Variants in TBX1 observed in about 807,000 individuals in gnomAD.
The protein encoded by TBX1 is T-box transcription factor TBX1.
TBX1 carries 16 observed loss-of-function variants against 40.8 expected under a neutral mutation model. That is an observed-to-expected ratio of 0.39 (90% CI 0.27 to 0.60). The LOEUF (loss-of-function observed/expected upper bound fraction) is 0.60. Ranked by LOEUF, TBX1 falls within the 20% of genes least tolerant of loss-of-function variation. TBX1 has a pLI of 0.51. For missense variants in TBX1, 755 were observed against 728.5 expected (o/e 1.04, Z -0.42); for synonymous variants, 403 against 336.8 (o/e 1.20, Z -2.15).
upstream of TBX1, chr22:19,759,389 C>T: frequency 1.4e-6 from 1 of 737,232 alleles, no homozygotes; most frequent in Non-Finnish European, 1.7e-6. Flanking sequence ...CAGTGAGTGG[C>T]ACCACAGGCC....
At chr22:19,758,791 G>A (rs545931815), upstream of TBX1, among the ~76,000 whole-genome samples, 13 of 152,316 alleles carry the variant, frequency 8.5e-5, no homozygotes, top group South Asian at 6.2e-4. Flanking sequence ...CGTGACGCTC[G>A]GGCTCGCGGG....
At chr22:19,780,727 CCCA>C (rs1375008979), downstream of TBX1, among the ~76,000 whole-genome samples, 8 of 152,024 alleles carry the variant, frequency 5.3e-5, no homozygotes, top group Non-Finnish European at 1.2e-4. Flanking sequence ...TTTTTACATT[CCCA>C]CCAATAGCGC....
At chr22:19,767,730 T>G (rs1936911983), downstream of TBX1, among the ~76,000 whole-genome samples, 1 of 152,224 alleles carries the variant, frequency 6.6e-6, no homozygotes, top group Non-Finnish European at 1.5e-5. Context: ...GGACAGATGC[T>G]TGTGCTTTTC....
At chr22:19,763,373 G>A (rs762083741) in intron 2 of TBX1, 31 bp downstream of exon 2, 48 of 1,606,040 alleles carry the variant, frequency 3.0e-5, no homozygotes, top group East Asian at 2.0e-4. Flanking sequence ...GTGAGGGACC[G>A]GGAGGGCACC....
chr22:19,769,902 A>T (rs1936959984), downstream of TBX1, among the ~76,000 whole-genome samples: 1 of 152,238 alleles, frequency 6.6e-6, no homozygotes, highest in South Asian at 2.1e-4. Context: ...CATTTGTCCT[A>T]GCTGCACTAC....
rs752484290 is a variant in TBX1, at chr22:19,765,088, C to T, written c.842C>T (p.Ala281Val). The T allele has an allele frequency of 1.2e-6, 2 of 1,614,214 alleles. No homozygotes were observed. Among genetic ancestry groups the T allele is most frequent in the East Asian group, 2.2e-5 (1 of 44,892 alleles). ...TFVFEETRFT[A>V]VTAYQNHRIT... is the part of the protein sequence containing the mutation. ...GTGTTCGAGGAGACACGATTCACCG[C>T]GGTCACTGCCTACCAGAACCATCGG... Residue 281 changes from alanine (A) to valine (V), a missense_variant, in exon 4 of 7, where the codon GCG becomes GTG. Around this residue, in one of 3 missense-constraint regions of TBX1, gnomAD observed 144 missense variants for 238.0 expected, o/e 0.61. Coordinates refer to ENST00000649276, the MANE Select transcript of TBX1 (RefSeq NM_001379200.1).
chr22:19,783,186 C>G (rs1437001109), downstream of TBX1: 1 of 658,376 alleles, frequency 1.5e-6, no homozygotes, highest in South Asian at 1.6e-5. Flanking sequence ...ATTCCCGACC[C>G]ACGGAGCCCA....
chr22:19,769,349 C>A (rs1292686428), downstream of TBX1, among the ~76,000 whole-genome samples: 1 of 152,224 alleles, frequency 6.6e-6, no homozygotes, highest in Non-Finnish European at 1.5e-5. Context: ...CCGCGGGTCA[C>A]CACACTGCTG....
chr22:19,761,720 C>T (rs760891293), intron 1 of TBX1, among the ~76,000 whole-genome samples: 1 of 152,252 alleles, frequency 6.6e-6, no homozygotes, highest in Non-Finnish European at 1.5e-5. Flanking sequence ...GGAGTTCAGT[C>T]TATGCGGGCA....
chr22:19,771,053 G>A (rs1239263486), downstream of TBX1, among the ~76,000 whole-genome samples: 5 of 152,178 alleles, frequency 3.3e-5, no homozygotes, highest in Admixed American at 1.3e-4. Context: ...GCACGGGGAC[G>A]TTCATTCCTG....
chr22:19,765,874 G>GCCGCCCTGAT, intron 5 of TBX1, 28 bp from the exon 6 acceptor site: 1 of 1,559,578 alleles, frequency 6.4e-7, no homozygotes, highest in South Asian at 1.2e-5. Context: ...TGGCGCAGGC[G>GCCGCCCTGAT]CCGCCCTGAT....
In TBX1 at chr22:19,766,011, G is replaced by A. The variant is rs1243126124; in HGVS notation, c.1036+9G>A. ...CAGCGGCACGGAGAAAGGTAGGGCC[G>A]GGGTCGTGGGATCCGGGTTCCGGCC... On this transcript the variant is annotated intron_variant, in intron 6 of 6. Transcript: ENST00000649276. 12 of 1,495,254 alleles carry A rather than the reference G, an allele frequency of 8.0e-6. No individual in the cohort carries two copies. The highest frequency in any genetic ancestry group is 1.1e-5 in the Non-Finnish European group (12 of 1,129,234). 92.6% of individuals were successfully genotyped at this position (1,495,254 alleles called of 1,614,324 possible).
intron 6 of TBX1, 47 bp downstream of exon 6, chr22:19,766,049 T>C (rs1384486563): frequency 4.3e-6 from 6 of 1,399,460 alleles, no homozygotes; most frequent in East Asian, 6.3e-5. Context: ...GTGCGCGCTC[T>C]ACCCCGGGCC....
At chr22:19,776,823 G>A (rs1937072257) in intron 8 of TBX1, among the ~76,000 whole-genome samples, 2 of 152,214 alleles carry the variant, frequency 1.3e-5, no homozygotes, top group African/African-American at 4.8e-5. Flanking sequence ...ACCTGGATGA[G>A]TCTTGACTTT....
chr22:19,783,147 G>C, downstream of TBX1: 1 of 711,264 alleles, frequency 1.4e-6, no homozygotes, highest in Non-Finnish European at 2.6e-6. Context: ...CCGTGGAGTA[G>C]ACAAACTGCT....
chr22:19,770,101 C>T (rs1202958242), downstream of TBX1, among the ~76,000 whole-genome samples: 1 of 152,204 alleles, frequency 6.6e-6, no homozygotes. Context: ...CAAACATCCT[C>T]CTCCAGGTTC....
chr22:19,759,473 C>T (rs1271180359), upstream of TBX1: 2 of 1,435,374 alleles, frequency 1.4e-6, no homozygotes, highest in South Asian at 1.5e-5. Flanking sequence ...GAGGCGGCGC[C>T]GGCCAGGCCG....
chr22:19,773,779 G>C (rs1937025296), intron 8 of TBX1, among the ~76,000 whole-genome samples: 1 of 152,224 alleles, frequency 6.6e-6, no homozygotes, highest in Non-Finnish European at 1.5e-5. Flanking sequence ...GTGGTCTCAG[G>C]GTGGGCCAGA....
At chr22:19,763,532 T>C in intron 2 of TBX1, 190 bp downstream of exon 2, 1 of 616,476 alleles carries the variant, frequency 1.6e-6, no homozygotes, top group Non-Finnish European at 2.9e-6. Context: ...CTCCATGCCC[T>C]CTCAGAACCC....
Sources: gnomAD v4.1 joint callset for allele counts (sites outside exome capture counted in the v4.1 genomes callset) on GRCh38, gnomAD v4.1.1 for gene constraint, gnomAD v4.1.1 regional missense constraint, MANE v1.5 for transcripts, NCBI Gene and HGNC (gene_info 2026-07-23, HGNC 2026-07-21) for gene names.